Variants in DLG2 observed in about 807,000 individuals in gnomAD.
The protein encoded by DLG2 is disks large homolog 2.
A neutral mutation model predicts 132.5 loss-of-function variants in DLG2; 45 were observed. That is an observed-to-expected ratio of 0.34 (90% CI 0.27 to 0.44). The LOEUF (loss-of-function observed/expected upper bound fraction) is 0.44, where lower values mean the gene tolerates loss of function less well. DLG2 is among the 20% of genes least tolerant of loss of function. The probability of loss-of-function intolerance (pLI) is 1.00; values close to 1 mark genes in which losing one functional copy is unlikely to be tolerated. For missense variants in DLG2, 1,045 were observed against 1,196.9 expected (o/e 0.87, Z 1.87); for synonymous variants, 424 against 419.6 (o/e 1.01, Z -0.13).
chr11:85,496,070 A>G (rs1439413493), intron 3 of DLG2, among the ~76,000 whole-genome samples: 1 of 152,208 alleles, frequency 6.6e-6, no homozygotes, highest in Non-Finnish European at 1.5e-5. Flanking sequence ...TGCAGCCCAC[A>G]GAGGGCGAGC....
In DLG2 at chr11:85,522,779, G is replaced by A. The variant is rs184456756; in HGVS notation, c.40+75878C>T. Among the ~76,000 whole-genome samples the A allele has an allele frequency of 6.8e-4, 104 of 152,208 alleles. 1 individual carries two copies. The highest frequency in any genetic ancestry group is 2.3e-3 in the African/African-American group (94 of 41,534). On this transcript the variant is annotated intron_variant, in intron 3 of 27. Coordinates refer to ENST00000376104, the MANE Select transcript of DLG2 (RefSeq NM_001142699.3). ...TTTGTTTTGGCCAATTTTCCCATTC[G>A]GAATGGGTGGATTTACCCAATGCCT...
At chr11:83,520,171 A>T (rs749852648) in intron 21 of DLG2, among the ~76,000 whole-genome samples, 2 of 152,212 alleles carry the variant, frequency 1.3e-5, no homozygotes, top group African/African-American at 2.4e-5. Flanking sequence ...CATATCTGCA[A>T]ACTTTTTACT....
chr11:83,771,108 G>C (rs947656460), intron 18 of DLG2, among the ~76,000 whole-genome samples: 1 of 152,086 alleles, frequency 6.6e-6, no homozygotes, highest in African/African-American at 2.4e-5. Context: ...GTTTGTTTCA[G>C]CTTTGTTTTG....
intron 4 of DLG2, among the ~76,000 whole-genome samples, chr11:85,207,452 T>C (rs943865047): frequency 2.6e-5 from 4 of 152,206 alleles, no homozygotes; most frequent in African/African-American, 9.6e-5. Context: ...ACTCCTTCTA[T>C]ATTTTTTATT....
intron 21 of DLG2, among the ~76,000 whole-genome samples, chr11:83,502,717 G>A (rs1054927223): frequency 6.6e-6 from 1 of 151,864 alleles, no homozygotes; most frequent in African/African-American, 2.4e-5. Flanking sequence ...TATCCTAAAG[G>A]TTATGTGACT....
intron 11 of DLG2, among the ~76,000 whole-genome samples, chr11:84,041,385 G>T (rs2096074931): frequency 6.6e-6 from 1 of 151,864 alleles, no homozygotes; most frequent in Non-Finnish European, 1.5e-5. Flanking sequence ...CAAGAATATG[G>T]AACAATTTAT....
chr11:84,719,894 T>C (rs1229188288), intron 6 of DLG2, among the ~76,000 whole-genome samples: 1 of 152,152 alleles, frequency 6.6e-6, no homozygotes, highest in African/African-American at 2.4e-5. Context: ...CACTTACTCC[T>C]GCTAGTTAGC....
intron 15 of DLG2, among the ~76,000 whole-genome samples, chr11:83,890,752 G>T (rs141690061): frequency 2.6e-4 from 39 of 152,242 alleles, no homozygotes; most frequent in African/African-American, 9.4e-4. Context: ...TTACTTCCCA[G>T]GAAGGCAGAG....
chr11:84,778,483 T>G (rs2071100253), intron 6 of DLG2, among the ~76,000 whole-genome samples: 2 of 152,206 alleles, frequency 1.3e-5, no homozygotes, highest in African/African-American at 4.8e-5. Flanking sequence ...TCTAATTCTG[T>G]GCAAAATTGT....
At chr11:84,925,539 T>C (rs2092945564) in intron 6 of DLG2, among the ~76,000 whole-genome samples, 1 of 152,182 alleles carries the variant, frequency 6.6e-6, no homozygotes, top group African/African-American at 2.4e-5. Context: ...ATGCAGGAAA[T>C]GGGGCATTAA....
intron 7 of DLG2, among the ~76,000 whole-genome samples, chr11:84,409,671 T>A (rs1213114211): frequency 6.6e-6 from 1 of 152,212 alleles, no homozygotes; most frequent in East Asian, 1.9e-4. Flanking sequence ...GATCTCATTC[T>A]AAGTATTTTT....
intron 10 of DLG2, among the ~76,000 whole-genome samples, chr11:84,077,476 A>G (rs2096844909): frequency 6.6e-6 from 1 of 152,190 alleles, no homozygotes; most frequent in African/African-American, 2.4e-5. Flanking sequence ...CATGCTGGCC[A>G]TTCCTTTTGT....
chr11:85,109,402 AC>A, intron 6 of DLG2, among the ~76,000 whole-genome samples: 1 of 152,092 alleles, frequency 6.6e-6, no homozygotes. Context: ...TGGCGCTCTG[AC>A]TTGTGATCTT....
In DLG2 at chr11:83,558,962, G is replaced by A. The variant is rs1042984452; in HGVS notation, c.1941-17104C>T. 4.0e-5 allele frequency among the ~76,000 whole-genome samples: 6 copies of A among 150,826 alleles called. No homozygotes were observed. In the South Asian group the frequency reaches 1.1e-3, roughly 27 times the overall value. ...GCAGATGAGATGTGCATAAATACAGGGCAAGACATACTGTAAAAGATGCAT... is the reference window on the plus strand; with the variant it reads ...GCAGATGAGATGTGCATAAATACAGAGCAAGACATACTGTAAAAGATGCAT... On this transcript the variant is annotated intron_variant, in intron 19 of 27. Coordinates refer to ENST00000376104, the MANE Select transcript of DLG2 (RefSeq NM_001142699.3).
intron 7 of DLG2, among the ~76,000 whole-genome samples, chr11:84,496,541 C>T (rs1232904254): frequency 1.3e-5 from 2 of 152,078 alleles, no homozygotes; most frequent in Non-Finnish European, 2.9e-5. Context: ...TTAATGGAGG[C>T]AAGATTGTTG....
At chr11:85,490,351 C>T (rs1256649805) in intron 3 of DLG2, among the ~76,000 whole-genome samples, 3 of 151,692 alleles carry the variant, frequency 2.0e-5, no homozygotes, top group Non-Finnish European at 4.4e-5. Context: ...TACAACTTAA[C>T]AATCTAACAA....
At chr11:85,566,394 G>T (rs1214713734) in intron 3 of DLG2, among the ~76,000 whole-genome samples, 1 of 151,906 alleles carries the variant, frequency 6.6e-6, no homozygotes, top group Non-Finnish European at 1.5e-5. Flanking sequence ...AGAAATCATG[G>T]CCTTATCCAA....
chr11:85,449,249 A>T (rs2092137304), intron 3 of DLG2, among the ~76,000 whole-genome samples: 1 of 152,108 alleles, frequency 6.6e-6, no homozygotes, highest in Admixed American at 6.5e-5. Flanking sequence ...GGACTTAAAA[A>T]TTGCTTCTGC....
At chr11:83,596,998 T>C (rs1054913636) in intron 19 of DLG2, among the ~76,000 whole-genome samples, 7 of 152,176 alleles carry the variant, frequency 4.6e-5, no homozygotes, top group African/African-American at 9.7e-5. Context: ...ATGAATATAC[T>C]TGTTTTCTTC....
Sources: gnomAD v4.1 joint callset for allele counts (sites outside exome capture counted in the v4.1 genomes callset) on GRCh38, gnomAD v4.1.1 for gene constraint, MANE v1.5 for transcripts, NCBI Gene and HGNC (gene_info 2026-07-23, HGNC 2026-07-21) for gene names.